The following SDCBP2 variants were observed in gnomAD, a reference collection of about 807,000 sequenced individuals.
SDCBP2 encodes syntenin-2.
Under a neutral mutation model 30.7 loss-of-function variants are expected in SDCBP2, and 28 were observed. The observed-to-expected ratio is 0.91, with a 90% CI of 0.68 to 1.25. The LOEUF is 1.25. SDCBP2 is among the 50% of genes most tolerant of loss of function. SDCBP2 has a pLI of 0.00. For missense variants in SDCBP2, 399 were observed against 379.0 expected (o/e 1.05, Z -0.44); for synonymous variants, 166 against 157.3 (o/e 1.06, Z -0.41).
At chr20:1,319,398 G>A in intron 3 of SDCBP2, 192 bp downstream of exon 3, 1 of 614,594 alleles carries the variant, frequency 1.6e-6, no homozygotes, top group Non-Finnish European at 2.9e-6. Flanking sequence ...GGCTCTGGGA[G>A]GTGAGGTGAC....
intron 1 of SDCBP2, among the ~76,000 whole-genome samples, chr20:1,328,317 A>G (rs1056942687): frequency 2.0e-5 from 3 of 152,106 alleles, no homozygotes; most frequent in African/African-American, 4.8e-5. Flanking sequence ...CCAAGGTCCA[A>G]GGGTTATTTT....
In SDCBP2 at chr20:1,321,810, G is replaced by T. The variant is rs2088853943; in HGVS notation, c.-19-1375C>A. The T allele has an allele frequency of 6.6e-6, 1 of 152,230 alleles. No homozygotes were observed. The highest frequency in any genetic ancestry group is 2.1e-4 in the South Asian group (1 of 4,832). 9.4% of individuals were successfully genotyped at this position (152,230 alleles called of 1,614,324 possible). A position where few individuals can be genotyped will look rare whatever the true frequency, so the allele number is the denominator to read the frequency against. Reference sequence around the variant, plus strand: ...AGTACTGTAAACGTTCAGATTAGCAGCTTAAACACAAAGCTCAAGGTACTG... The same window carrying T: ...AGTACTGTAAACGTTCAGATTAGCATCTTAAACACAAAGCTCAAGGTACTG... On this transcript the variant is annotated intron_variant, in intron 1 of 8. Transcript: ENST00000360779. This position sits in a 1 kb window ranked among gnomAD's most constrained non-coding sequence, Gnocchi z 5.2.
intron 1 of SDCBP2, chr20:1,323,874 A>C (rs1465293320): frequency 2.0e-5 from 3 of 151,666 alleles, no homozygotes; most frequent in African/African-American, 4.9e-5. Flanking sequence ...AGTTGGTTGG[A>C]TCCATGGATG....
In SDCBP2 at chr20:1,310,274, A is replaced by G. The variant is rs1353568046; in HGVS notation, c.*167T>C. 8.5e-6 allele frequency: 5 copies of G among 586,260 alleles called. No individual in the cohort carries two copies. The highest frequency in any genetic ancestry group is 2.4e-5 in the South Asian group (1 of 42,342). The allele number at this position is 586,260 out of a possible 1,614,324, so 36.3% of individuals were successfully genotyped here. A position where few individuals can be genotyped will look rare whatever the true frequency, so the allele number is the denominator to read the frequency against. On this transcript the variant is annotated 3_prime_UTR_variant, in exon 9 of 9. Coordinates refer to ENST00000360779, the MANE Select transcript of SDCBP2 (RefSeq NM_080489.5). ...TAGCTTGGAGTCTGAGGCTCCAAGG[A>G]GGCCTGTGTGTATAAGCCATCCCAT...
intron 4 of SDCBP2, among the ~76,000 whole-genome samples, chr20:1,315,688 C>T (rs1449344132): frequency 1.3e-5 from 2 of 151,792 alleles, no homozygotes; most frequent in African/African-American, 2.4e-5. Flanking sequence ...TAGAAGAATA[C>T]GAAGGAGAAA....
At position 1,313,572 on chromosome 20, in the gene SDCBP2, G is replaced by GT. The variant is rs2088720368; in HGVS notation, c.226-75dup. 3.4e-6 allele frequency: 5 copies of GT among 1,472,366 alleles called. No homozygotes were observed. The highest frequency in any genetic ancestry group is 2.7e-5 in the South Asian group (2 of 74,606). The allele number at this position is 1,472,366 out of a possible 1,614,324, so 91.2% of individuals were successfully genotyped here. ...TGCCTCAGGAGACACTGGGGTGGGG[G>GT]TAGGGATGGGGAAAGGAGGATGGAG... On this transcript the variant is annotated intron_variant, in intron 4 of 8. Transcript: ENST00000360779. This position sits in a 1 kb window ranked among gnomAD's most constrained non-coding sequence, Gnocchi z 5.2.
chr20:1,310,969 T>C, intron 7 of SDCBP2, 78 bp from the exon 8 acceptor site: 1 of 1,044,274 alleles, frequency 9.6e-7, no homozygotes, highest in East Asian at 2.5e-5. Flanking sequence ...TGTGGAGGGA[T>C]CAGCATGGCC....
At position 1,310,817 on chromosome 20, in the gene SDCBP2, G is replaced by C. The variant is rs143026050; in HGVS notation, c.807C>G (p.Tyr269Ter). Reference sequence around the variant, plus strand: ...AGCCTTACTTTTTGACCATGTGCTCGTAGATCACACTGGGGATGATGGTCA... The same window carrying C: ...AGCCTTACTTTTTGACCATGTGCTCCTAGATCACACTGGGGATGATGGTCA... Reference protein sequence around the residue: ...VTLTIIPSVIYEHMVKKLPPV... With the variant: ...VTLTIIPSVI The change falls in exon 8 of 9, where the codon TAC (tyrosine) becomes TAG (stop). Residue 269 changes from tyrosine (Y) to a stop codon, truncating the protein, a stop_gained. Coordinates refer to ENST00000360779, the MANE Select transcript of SDCBP2 (RefSeq NM_080489.5). LOFTEE classifies it high-confidence loss of function. The C allele has an allele frequency of 3.1e-6, 5 of 1,613,312 alleles. No homozygotes were observed. The highest frequency in any genetic ancestry group is 4.2e-6 in the Non-Finnish European group (5 of 1,179,338).
Position 1,319,047 on chromosome 20 carries a change from G to A in SDCBP2, c.124+543C>T, listed in dbSNP as rs116505651. On this transcript the variant is annotated intron_variant, in intron 3 of 8. Transcript: ENST00000360779. The stretch of plus-strand genomic sequence containing the variant: ...GCCTAAGCTGAATAAGGCAAGTGGG[G>A]TTCTGGCCCCTTCTCTCTTTGAGCC... Among the ~76,000 whole-genome samples, 639 of 152,288 alleles carry A rather than the reference G, an allele frequency of 4.2e-3. 6 individuals carry two copies. Among genetic ancestry groups the A allele is most frequent in the African/African-American group, 0.015 (616 of 41,558 alleles).
At chr20:1,319,557 G>T in intron 3 of SDCBP2, 33 bp downstream of exon 3, 1 of 1,551,166 alleles carries the variant, frequency 6.4e-7, no homozygotes, top group Non-Finnish European at 8.7e-7. Flanking sequence ...AAAGGACTTG[G>T]CACCCAGGAG....
At position 1,320,305 on chromosome 20, in the gene SDCBP2, A is replaced by G. The variant is rs1002566213; in HGVS notation, c.54+58T>C. On this transcript the variant is annotated intron_variant, in intron 2 of 8. Coordinates refer to ENST00000360779, the MANE Select transcript of SDCBP2 (RefSeq NM_080489.5). The surrounding 1 kb of genome is among the most constrained non-coding windows in gnomAD (Gnocchi z 4.7). The stretch of plus-strand genomic sequence containing the variant: ...GTGGCCCCAGTACCCAGCACCTTCC[A>G]GGGTAATCCCCAAGGTCCCCTTCAG... 1.3e-6 allele frequency: 2 copies of G among 1,520,316 alleles called. No homozygotes were observed. The highest frequency in any genetic ancestry group is 3.4e-5 in the Admixed American group (2 of 58,080). The allele number at this position is 1,520,316 out of a possible 1,614,324, so 94.2% of individuals were successfully genotyped here.
chr20:1,327,257 A>G (rs1256061877), intron 1 of SDCBP2, among the ~76,000 whole-genome samples: 2 of 152,182 alleles, frequency 1.3e-5, no homozygotes, highest in African/African-American at 4.8e-5. Context: ...GGCTTCGGAG[A>G]TCAGCAGGGC....
chr20:1,310,631 C>T, intron 8 of SDCBP2, 136 bp from the exon 9 acceptor site: 1 of 1,023,372 alleles, frequency 9.8e-7, no homozygotes, highest in South Asian at 1.5e-5. Context: ...CACCAGAAGC[C>T]ACAAGCTACC....
rs531869739 is a variant in SDCBP2 at position 1,312,321 on chromosome 20, G to A, written c.732+16C>T. ...CACCACCCGGCAGTCCCTCCCTGGT[G>A]CGGCCACCAGCCTACCTTCAGCCCG... On this transcript the variant is annotated intron_variant, in intron 7 of 8. Coordinates refer to ENST00000360779, the MANE Select transcript of SDCBP2 (RefSeq NM_080489.5). 51 of 1,609,616 alleles carry A rather than the reference G, an allele frequency of 3.2e-5. No homozygotes were observed. Among genetic ancestry groups the A allele is most frequent in the African/African-American group, 2.3e-4 (17 of 74,870 alleles).
In SDCBP2 at chr20:1,310,359, T is replaced by G. The variant is rs577532464; in HGVS notation, c.*82A>C. 1.4e-6 allele frequency: 2 copies of G among 1,434,976 alleles called. No individual in the cohort carries two copies. Among genetic ancestry groups the G allele is most frequent in the East Asian group, 4.6e-5 (2 of 43,882 alleles). The allele number at this position is 1,434,976 out of a possible 1,614,324, so 88.9% of individuals were successfully genotyped here. ...CCCCCACCTTAAGCAGCAGGCCGGCTGCAACCCATCATCCGAGGGTGGTTG... is the reference window on the plus strand; with the variant it reads ...CCCCCACCTTAAGCAGCAGGCCGGCGGCAACCCATCATCCGAGGGTGGTTG... On this transcript the variant is annotated 3_prime_UTR_variant, in exon 9 of 9. Transcript: ENST00000360779.
At chr20:1,310,588 G>A in intron 8 of SDCBP2, 93 bp from the exon 9 acceptor site, 1 of 1,246,976 alleles carries the variant, frequency 8.0e-7, no homozygotes, top group Non-Finnish European at 1.1e-6. Flanking sequence ...CATCCCATGT[G>A]GGCCTTCACT....
At chr20:1,319,818 C>T (rs1444917902) in intron 2 of SDCBP2, among the ~76,000 whole-genome samples, 159 bp from the exon 3 acceptor site, 3 of 152,188 alleles carry the variant, frequency 2.0e-5, no homozygotes, top group Non-Finnish European at 2.9e-5. Flanking sequence ...ATCACGTAAA[C>T]GTGGCCTCCG....
Position 1,310,877 on chromosome 20 carries a change from C to T in SDCBP2, c.747G>A (p.Met249Ile), listed in dbSNP as rs373946299. 6.2e-6 allele frequency: 10 copies of T among 1,613,968 alleles called. No homozygotes were observed. In the African/African-American group the frequency reaches 1.2e-4, roughly 19 times the overall value. ...NVIGLKDKKI[M>I]EILATAGNVV... ...CGTTCCCAGCCGTGGCCAGAATCTC[C>T]ATGATCTTTTTGTCCTAGGGAGGAG... is the stretch of plus-strand genomic sequence containing the variant. The change falls in exon 8 of 9, where the codon ATG becomes ATA. Residue 249 changes from methionine to isoleucine, a missense_variant. Met to Ile is a conservative substitution (Grantham distance 10). Coordinates refer to ENST00000360779, the MANE Select transcript of SDCBP2 (RefSeq NM_080489.5).
intron 7 of SDCBP2, among the ~76,000 whole-genome samples, chr20:1,311,900 CTT>C (rs11471529): frequency 1.7e-5 from 2 of 121,108 alleles, no homozygotes; most frequent in African/African-American, 3.4e-5. Context: ...GGTACACTGT[CTT>C]TTTTTTTTTT....
Sources: gnomAD v4.1 joint callset for allele counts (sites outside exome capture counted in the v4.1 genomes callset) on GRCh38, gnomAD v4.1.1 for gene constraint, Gnocchi (gnomAD v3.1) non-coding constraint, MANE v1.5 for transcripts, NCBI Gene and HGNC (gene_info 2026-07-23, HGNC 2026-07-21) for gene names.